The following SPOCK1 variants were observed in gnomAD, a reference collection of about 807,000 sequenced individuals.
SPOCK1 encodes the protein SPARC (osteonectin), cwcv and kazal like domains proteoglycan 1.
A neutral mutation model predicts 55.3 loss-of-function variants in SPOCK1; 23 were observed. The ratio of observed to expected loss-of-function variants is 0.42; its 90% CI spans 0.30 to 0.59. The LOEUF is 0.59. Ranked by LOEUF, SPOCK1 falls within the 20% of genes least tolerant of loss-of-function variation. SPOCK1 has a pLI of 0.22. For missense variants in SPOCK1, 499 were observed against 552.5 expected, an observed-to-expected ratio of 0.90 and a Z score of 0.97; for synonymous variants, 226 against 221.0, an observed-to-expected ratio of 1.02 and a Z score of -0.20.
intron 2 of SPOCK1, among the ~76,000 whole-genome samples, chr5:137,328,062 C>T (rs906383760): frequency 6.6e-6 from 1 of 152,210 alleles, no homozygotes; most frequent in African/African-American, 2.4e-5. Context: ...TTTGCTGCTG[C>T]CTGACATCCC....
chr5:137,015,223 C>T (rs543073688), intron 6 of SPOCK1, among the ~76,000 whole-genome samples: 39 of 150,802 alleles, frequency 2.6e-4, no homozygotes, highest in African/African-American at 8.8e-4. Context: ...GGGCAGATCA[C>T]GAGGTCAGGA....
At chr5:137,343,176 G>T (rs1408377079) in intron 2 of SPOCK1, among the ~76,000 whole-genome samples, 1 of 152,240 alleles carries the variant, frequency 6.6e-6, no homozygotes, top group Non-Finnish European at 1.5e-5. Flanking sequence ...CAAAGGGGAG[G>T]TCTGGGAGGG....
At chr5:137,048,873 A>C (rs1403710347) in intron 6 of SPOCK1, among the ~76,000 whole-genome samples, 2 of 74,590 alleles carry the variant, frequency 2.7e-5, no homozygotes, top group African/African-American at 9.6e-5. Flanking sequence ...TTGTCTATAA[A>C]GTATTTTATT....
intron 2 of SPOCK1, among the ~76,000 whole-genome samples, chr5:137,389,250 AC>A (rs1751661871): frequency 6.6e-6 from 1 of 152,150 alleles, no homozygotes; most frequent in African/African-American, 2.4e-5. Context: ...GCTTCCAAGA[AC>A]ACCTTGTCCT....
intron 2 of SPOCK1, among the ~76,000 whole-genome samples, chr5:137,322,341 A>C (rs1580866202): frequency 1.2e-5 from 1 of 82,762 alleles, no homozygotes; most frequent in Non-Finnish European, 3.0e-5. Context: ...TCAAGGAAAA[A>C]AAAAAAAACA....
intron 2 of SPOCK1, among the ~76,000 whole-genome samples, chr5:137,434,480 CTTTTTTTTTT>C (rs146762668): frequency 7.3e-5 from 5 of 68,222 alleles, no homozygotes; most frequent in Non-Finnish European, 1.0e-4. Flanking sequence ...TCTTTTTTTT[CTTTTTTTTTT>C]TTTTTTTTTT....
At chr5:137,448,040 C>T (rs571672194) in intron 2 of SPOCK1, among the ~76,000 whole-genome samples, 3 of 152,200 alleles carry the variant, frequency 2.0e-5, no homozygotes, top group African/African-American at 7.2e-5. Flanking sequence ...CTGAGGTCAG[C>T]AGTTCGAGAC....
chr5:137,331,177 G>T (rs895901881), intron 2 of SPOCK1, among the ~76,000 whole-genome samples: 3 of 152,114 alleles, frequency 2.0e-5, no homozygotes, highest in African/African-American at 7.2e-5. Context: ...TGTTCCTCTG[G>T]GTGAGAAAAA....
chr5:137,343,482 C>A (rs1379196427), intron 2 of SPOCK1, among the ~76,000 whole-genome samples: 1 of 152,168 alleles, frequency 6.6e-6, no homozygotes, highest in Non-Finnish European at 1.5e-5. Context: ...AGACGCTTCC[C>A]CAGGGCTGTA....
intron 3 of SPOCK1, among the ~76,000 whole-genome samples, chr5:137,228,757 C>A (rs1000344842): frequency 6.6e-6 from 1 of 152,152 alleles, no homozygotes; most frequent in African/African-American, 2.4e-5. Flanking sequence ...AAATCACCTC[C>A]AAGAATATTT....
At chr5:137,339,012 C>T (rs1260521957) in intron 2 of SPOCK1, among the ~76,000 whole-genome samples, 3 of 152,178 alleles carry the variant, frequency 2.0e-5, no homozygotes, top group Non-Finnish European at 2.9e-5. Context: ...GTCACATCAG[C>T]ATTAGCACAT....
At chr5:137,194,843 G>T (rs1755267027) in intron 3 of SPOCK1, among the ~76,000 whole-genome samples, 1 of 152,176 alleles carries the variant, frequency 6.6e-6, no homozygotes, top group South Asian at 2.1e-4. Context: ...TGAGCCGGCA[G>T]CTACAAGCCC....
At chr5:137,027,346 G>T (rs1751698090) in intron 6 of SPOCK1, among the ~76,000 whole-genome samples, 1 of 152,188 alleles carries the variant, frequency 6.6e-6, no homozygotes, top group Non-Finnish European at 1.5e-5. Context: ...AGTTTTATAT[G>T]AATTCAATGC....
chr5:137,064,027 A>C (rs1458022147), intron 6 of SPOCK1, among the ~76,000 whole-genome samples: 1 of 152,172 alleles, frequency 6.6e-6, no homozygotes, highest in Non-Finnish European at 1.5e-5. Context: ...GTAAACCCAG[A>C]GAAATCTAAC....
At chr5:137,390,996 C>T (rs574070590) in intron 2 of SPOCK1, among the ~76,000 whole-genome samples, 15 of 152,224 alleles carry the variant, frequency 9.9e-5, no homozygotes, top group African/African-American at 2.4e-4. Flanking sequence ...CCCATCAACC[C>T]GTCATGTAGG....
intron 2 of SPOCK1, among the ~76,000 whole-genome samples, chr5:137,269,147 T>C (rs1756913065): frequency 6.6e-6 from 1 of 152,252 alleles, no homozygotes; most frequent in African/African-American, 2.4e-5. Context: ...AAAGTAGCTA[T>C]CTGCATTAGA....
intron 2 of SPOCK1, among the ~76,000 whole-genome samples, chr5:137,338,302 A>C (rs1441405054): frequency 6.6e-6 from 1 of 151,886 alleles, no homozygotes; most frequent in Non-Finnish European, 1.5e-5. Flanking sequence ...GTTTGCTGAG[A>C]ATGATGGTTT....
In SPOCK1 at chr5:136,985,131, T is replaced by G. The variant is rs772120959; in HGVS notation, c.991+9A>C. On this transcript the variant is annotated intron_variant, in intron 9 of 10. Transcript: ENST00000394945. ...GTTGTTTAAATGAGTGGCAAGAAAT[T>G]GTACTTACCCAACAGGCTTTTCCCC... The G allele has an allele frequency of 3.7e-6, 6 of 1,613,820 alleles. No homozygotes were observed. Among genetic ancestry groups the G allele is most frequent in the Non-Finnish European group, 5.1e-6 (6 of 1,179,786 alleles).
intron 2 of SPOCK1, among the ~76,000 whole-genome samples, chr5:137,305,894 C>T (rs1399279137): frequency 2.6e-5 from 4 of 152,226 alleles, no homozygotes; most frequent in South Asian, 2.1e-4. Flanking sequence ...TGTTTGCATA[C>T]GATGTGCAAA....
Sources: gnomAD v4.1 joint callset for allele counts (sites outside exome capture counted in the v4.1 genomes callset) on GRCh38, gnomAD v4.1.1 for gene constraint, MANE v1.5 for transcripts, NCBI Gene and HGNC (gene_info 2026-07-23, HGNC 2026-07-21) for gene names.